Variants in ROR1 observed in about 807,000 individuals in gnomAD.
ROR1 encodes inactive tyrosine-protein kinase transmembrane receptor ROR1.
A neutral mutation model predicts 78.8 loss-of-function variants in ROR1; 19 were observed. That is an observed-to-expected ratio of 0.24 (90% CI 0.17 to 0.35). The LOEUF (loss-of-function observed/expected upper bound fraction) is 0.35, where lower values mean the gene tolerates loss of function less well. ROR1 is among the 10% of genes least tolerant of loss of function. The pLI is 1.00. For missense variants in ROR1, 917 were observed against 1,177.8 expected, an observed-to-expected ratio of 0.78 and a Z score of 3.24; for synonymous variants, 386 against 433.6, an observed-to-expected ratio of 0.89 and a Z score of 1.36.
rs74911515 is a variant in ROR1 at position 64,020,788 on chromosome 1, A to G, written c.163+11412A>G. ...AGAAAGGCAGTAAAGAATTCAGCAGACGGCGAGCTCTGCAACCCGTTGCAG... is the reference window on the plus strand; with the variant it reads ...AGAAAGGCAGTAAAGAATTCAGCAGGCGGCGAGCTCTGCAACCCGTTGCAG... On this transcript the variant is annotated intron_variant, in intron 2 of 8. Coordinates refer to ENST00000371079, the MANE Select transcript of ROR1 (RefSeq NM_005012.4). 8.6e-3 allele frequency among the ~76,000 whole-genome samples: 1,316 copies of G among 152,270 alleles called. 11 individuals are homozygous for G. Among genetic ancestry groups the G allele is most frequent in the South Asian group, 0.017 (81 of 4,818 alleles).
At chr1:63,845,137 C>G (rs939499994) in intron 1 of ROR1, among the ~76,000 whole-genome samples, 2 of 152,012 alleles carry the variant, frequency 1.3e-5, no homozygotes. Context: ...TGTTTAATGT[C>G]ATGCTTTTGA....
chr1:63,829,520 A>C (rs1400391154), intron 1 of ROR1, among the ~76,000 whole-genome samples: 1 of 152,098 alleles, frequency 6.6e-6, no homozygotes, highest in African/African-American at 2.4e-5. Context: ...CTGGGGATGG[A>C]ATGGGCATTC....
chr1:63,913,016 C>T (rs1476804122), intron 1 of ROR1, among the ~76,000 whole-genome samples: 1 of 151,920 alleles, frequency 6.6e-6, no homozygotes, highest in Non-Finnish European at 1.5e-5. Flanking sequence ...TTTATTTTCC[C>T]CCTCTCTTTA....
intron 4 of ROR1, among the ~76,000 whole-genome samples, chr1:64,117,546 C>A (rs1648357629): frequency 1.3e-5 from 2 of 152,162 alleles, no homozygotes; most frequent in South Asian, 4.1e-4. Flanking sequence ...CTCACATCAC[C>A]TGCTGCATGC....
At chr1:64,052,185 CTTT>C (rs538059021) in intron 4 of ROR1, among the ~76,000 whole-genome samples, 9 of 121,610 alleles carry the variant, frequency 7.4e-5, no homozygotes, top group Admixed American at 1.7e-4. Flanking sequence ...TGCTAATCTG[CTTT>C]TTTTTTTTTT....
chr1:63,999,849 C>A (rs1646368382), intron 1 of ROR1, among the ~76,000 whole-genome samples: 1 of 152,196 alleles, frequency 6.6e-6, no homozygotes, highest in Non-Finnish European at 1.5e-5. Context: ...AGTATAACTT[C>A]ATTCCCATTG....
chr1:63,846,117 AATGTGTGT>A (rs1268515808), intron 1 of ROR1, among the ~76,000 whole-genome samples: 2 of 91,638 alleles, frequency 2.2e-5, no homozygotes, highest in Middle Eastern at 0.011. Flanking sequence ...AGAGAGAGAG[AATGTGTGT>A]GTGTGTGTGT....
At chr1:64,129,318 T>A (rs1292384556) in intron 4 of ROR1, among the ~76,000 whole-genome samples, 1 of 151,816 alleles carries the variant, frequency 6.6e-6, no homozygotes, top group African/African-American at 2.4e-5. Flanking sequence ...CCCAAAGGCA[T>A]AAAAGGAAAG....
chr1:64,012,074 G>A (rs1464377912), intron 2 of ROR1, among the ~76,000 whole-genome samples: 1 of 152,094 alleles, frequency 6.6e-6, no homozygotes, highest in East Asian at 1.9e-4. Context: ...GAAATCCCTA[G>A]GTTCCAGAAA....
chr1:63,792,832 G>A (rs1040941007), intron 1 of ROR1, among the ~76,000 whole-genome samples: 54 of 152,198 alleles, frequency 3.5e-4, no homozygotes, highest in African/African-American at 1.3e-3. Context: ...TAATGTCTGT[G>A]GGAGTGAATT....
intron 4 of ROR1, among the ~76,000 whole-genome samples, chr1:64,077,284 A>T (rs1647058174): frequency 6.6e-6 from 1 of 152,234 alleles, no homozygotes; most frequent in Non-Finnish European, 1.5e-5. Flanking sequence ...TGATCACTCC[A>T]TTGGATACTT....
chr1:63,815,112 A>G (rs1337866314), intron 1 of ROR1, among the ~76,000 whole-genome samples: 2 of 152,166 alleles, frequency 1.3e-5, no homozygotes, highest in Non-Finnish European at 2.9e-5. Flanking sequence ...TTGCAAATGC[A>G]CTATGATTTG....
At position 64,009,390 on chromosome 1, in the gene ROR1, G is replaced by A; in HGVS notation, c.163+14G>A. 6.3e-7 allele frequency: 1 copy of A among 1,597,920 alleles called. No homozygotes were observed. Among genetic ancestry groups the A allele is most frequent in the Non-Finnish European group, 8.6e-7 (1 of 1,165,570 alleles). ...AACTCAACAAAGGTACACAGTGGGG[G>A]CACACAGGGGAGGCGAGGAAAGAGG... On this transcript the variant is annotated intron_variant, in intron 2 of 8. Transcript: ENST00000371079.
chr1:64,083,952 T>A (rs1175813969), intron 4 of ROR1, among the ~76,000 whole-genome samples: 1 of 152,202 alleles, frequency 6.6e-6, no homozygotes, highest in Admixed American at 6.5e-5. Flanking sequence ...ATGCATGAAG[T>A]TGGATCTCTG....
chr1:63,979,622 T>A (rs1646191584), intron 1 of ROR1, among the ~76,000 whole-genome samples: 1 of 152,128 alleles, frequency 6.6e-6, no homozygotes, highest in African/African-American at 2.4e-5. Flanking sequence ...TGGGTGTCCC[T>A]CATTGGTCAA....
intron 1 of ROR1, among the ~76,000 whole-genome samples, chr1:63,999,220 C>T (rs1453314446): frequency 6.6e-6 from 1 of 152,210 alleles, no homozygotes; most frequent in Non-Finnish European, 1.5e-5. Flanking sequence ...TCCAAGTTTG[C>T]AGGCAAAGAC....
intron 1 of ROR1, among the ~76,000 whole-genome samples, chr1:63,815,002 G>C (rs1232919516): frequency 6.6e-6 from 1 of 152,180 alleles, no homozygotes; most frequent in Non-Finnish European, 1.5e-5. Flanking sequence ...TGTCCTGCCA[G>C]CCTTTTTCCT....
At chr1:64,060,386 A>T (rs567786340) in intron 4 of ROR1, among the ~76,000 whole-genome samples, 2 of 152,218 alleles carry the variant, frequency 1.3e-5, no homozygotes, top group African/African-American at 4.8e-5. Flanking sequence ...CCCCAACCAG[A>T]GACCTTGAAG....
intron 2 of ROR1, among the ~76,000 whole-genome samples, chr1:64,014,580 G>A (rs1646501825): frequency 6.8e-6 from 1 of 147,796 alleles, no homozygotes; most frequent in African/African-American, 2.5e-5. Flanking sequence ...TCTATAGAAA[G>A]CCAAATGTTT....
Sources: allele counts gnomAD v4.1 joint callset (sites outside exome capture counted in the v4.1 genomes callset), GRCh38; gene constraint gnomAD v4.1.1; transcripts MANE v1.5; gene names NCBI Gene and HGNC (gene_info 2026-07-23, HGNC 2026-07-21).